The following EIF2B3 variants were observed in gnomAD, a reference collection of about 807,000 sequenced individuals.
EIF2B3 encodes the protein eukaryotic translation initiation factor 2B subunit gamma, also known as translation initiation factor eIF2B subunit gamma.
A neutral mutation model predicts 54.1 loss-of-function variants in EIF2B3; 20 were observed. The observed-to-expected ratio is 0.37, with a 90% CI of 0.26 to 0.54. The LOEUF is 0.54. Among genes scored for constraint, EIF2B3 ranks in the 20% least tolerant of loss-of-function variants. EIF2B3 has a pLI of 0.86. For synonymous variants in EIF2B3, 153 were observed against 188.1 expected, an observed-to-expected ratio of 0.81 and a Z score of 1.52; for missense variants, 448 against 547.8, an observed-to-expected ratio of 0.82 and a Z score of 1.82.
chr1:44,972,744 T>C (rs1365355577), intron 3 of EIF2B3, among the ~76,000 whole-genome samples: 1 of 152,132 alleles, frequency 6.6e-6, no homozygotes, highest in Non-Finnish European at 1.5e-5. Flanking sequence ...CTCAGCTCAC[T>C]GCAACCTTCA....
chr1:44,942,776 CTAA>C (rs2148943249), intron 3 of EIF2B3, among the ~76,000 whole-genome samples: 1 of 151,986 alleles, frequency 6.6e-6, no homozygotes, highest in South Asian at 2.1e-4. Context: ...ACAATGATAA[CTAA>C]TGTTTACTGA....
At chr1:44,955,564 C>G (rs979410631) in intron 3 of EIF2B3, among the ~76,000 whole-genome samples, 1 of 152,076 alleles carries the variant, frequency 6.6e-6, no homozygotes, top group Non-Finnish European at 1.5e-5. Context: ...AAACTATCAT[C>G]AGAGTGAACA....
chr1:44,973,074 G>T (rs1443002276), intron 3 of EIF2B3, among the ~76,000 whole-genome samples: 1 of 152,110 alleles, frequency 6.6e-6, no homozygotes, highest in Non-Finnish European at 1.5e-5. Flanking sequence ...AGAGAAAGAG[G>T]TTGGAGCCCT....
At chr1:44,884,563 A>G (rs914339305) in intron 6 of EIF2B3, among the ~76,000 whole-genome samples, 1 of 152,220 alleles carries the variant, frequency 6.6e-6, no homozygotes, top group Admixed American at 6.5e-5. Context: ...TTGAATTTCA[A>G]TGTGATTTTT....
At chr1:44,873,078 C>G (rs572250801) in intron 10 of EIF2B3, among the ~76,000 whole-genome samples, 1 of 152,258 alleles carries the variant, frequency 6.6e-6, no homozygotes, top group South Asian at 2.1e-4. Flanking sequence ...CAGAAATTAG[C>G]AAATGTTTCG....
At chr1:44,937,147 G>A (rs1270151758) in intron 4 of EIF2B3, 1 of 152,164 alleles carries the variant, frequency 6.6e-6, no homozygotes, top group Non-Finnish European at 1.5e-5. Flanking sequence ...ATTGCTAAAA[G>A]CATTACAAGC....
intron 2 of EIF2B3, among the ~76,000 whole-genome samples, chr1:44,980,772 G>A (rs1244413705): frequency 6.6e-6 from 1 of 152,034 alleles, no homozygotes; most frequent in Non-Finnish European, 1.5e-5. Context: ...GTCTCAATCT[G>A]CTCTTTCTGA....
chr1:44,863,599 C>T (rs184534733), intron 10 of EIF2B3, among the ~76,000 whole-genome samples: 21 of 152,230 alleles, frequency 1.4e-4, no homozygotes, highest in Non-Finnish European at 1.2e-4. Flanking sequence ...ATATAAAGAA[C>T]GCCTGTGTAT....
chr1:44,882,438 C>CTT (rs200259851), intron 6 of EIF2B3, among the ~76,000 whole-genome samples: 34 of 142,600 alleles, frequency 2.4e-4, no homozygotes, highest in Non-Finnish European at 3.2e-4. Flanking sequence ...TGGGAGAAAA[C>CTT]TTTTTTTTTT....
At chr1:44,976,208 AAAC>A (rs758966863) in intron 3 of EIF2B3, among the ~76,000 whole-genome samples, 10 of 152,240 alleles carry the variant, frequency 6.6e-5, no homozygotes, top group East Asian at 5.8e-4. Flanking sequence ...CATATCTCAC[AAAC>A]GACTTGCATC....
intron 3 of EIF2B3, among the ~76,000 whole-genome samples, chr1:44,946,630 T>TC: frequency 6.7e-6 from 1 of 148,276 alleles, no homozygotes; most frequent in East Asian, 2.0e-4. Flanking sequence ...TCTTCTTCTT[T>TC]TTTTTTTTTT....
At chr1:44,876,439 G>A (rs1655151643) in intron 8 of EIF2B3, among the ~76,000 whole-genome samples, 1 of 135,564 alleles carries the variant, frequency 7.4e-6, no homozygotes, top group African/African-American at 2.8e-5. Flanking sequence ...CGGCCGCCCC[G>A]TCTGAGAAGT....
At chr1:44,971,141 T>C (rs1029601402) in intron 3 of EIF2B3, among the ~76,000 whole-genome samples, 7 of 152,138 alleles carry the variant, frequency 4.6e-5, no homozygotes, top group Non-Finnish European at 1.0e-4. Flanking sequence ...CCCAGCACTT[T>C]GGGAGGCCGA....
At chr1:44,953,167 A>C (rs1353215924) in intron 3 of EIF2B3, among the ~76,000 whole-genome samples, 1 of 151,050 alleles carries the variant, frequency 6.6e-6, no homozygotes, top group Admixed American at 6.6e-5. Flanking sequence ...AAAAAAAAAA[A>C]CCAGAAAACA....
chr1:44,933,181 AC>A, intron 4 of EIF2B3, among the ~76,000 whole-genome samples: 1 of 152,334 alleles, frequency 6.6e-6, no homozygotes, highest in East Asian at 1.9e-4. Flanking sequence ...AAATGAAAAA[AC>A]AAGACAATCT....
At chr1:44,922,873 T>A in intron 5 of EIF2B3, among the ~76,000 whole-genome samples, 1 of 125,646 alleles carries the variant, frequency 8.0e-6, no homozygotes, top group South Asian at 2.8e-4. Context: ...TGAGACTGAG[T>A]CTTGCTCTGT....
intron 6 of EIF2B3, among the ~76,000 whole-genome samples, chr1:44,896,274 G>A (rs1655967403): frequency 6.6e-6 from 1 of 152,192 alleles, no homozygotes; most frequent in Non-Finnish European, 1.5e-5. Context: ...AGGGGAAACA[G>A]AGCTATAACA....
At position 44,881,971 on chromosome 1, in the gene EIF2B3, A is replaced by C. The variant is rs1478441966; in HGVS notation, c.657-232T>G. The stretch of plus-strand genomic sequence containing the variant: ...ATCAGGAATCTGTACTAGGGGAAGA[A>C]GGGACCTGATCTTTAGTTCAGTGTG... On this transcript the variant is annotated intron_variant, in intron 6 of 11. Coordinates refer to ENST00000360403, the MANE Select transcript of EIF2B3 (RefSeq NM_020365.5). The surrounding 1 kb of genome is among the most constrained non-coding windows in gnomAD (Gnocchi z 4.0). 6.6e-6 allele frequency among the ~76,000 whole-genome samples: 1 copy of C among 152,188 alleles called. No homozygotes were observed. The highest frequency in any genetic ancestry group is 1.5e-5 in the Non-Finnish European group (1 of 68,044).
At chr1:44,884,921 G>C (rs2148907684) in intron 6 of EIF2B3, among the ~76,000 whole-genome samples, 1 of 152,320 alleles carries the variant, frequency 6.6e-6, no homozygotes, top group African/African-American at 2.4e-5. Flanking sequence ...ACCCACCTCT[G>C]CTGGAGCTCA....
Sources: allele counts gnomAD v4.1 joint callset (sites outside exome capture counted in the v4.1 genomes callset), GRCh38; gene constraint gnomAD v4.1.1; non-coding constraint Gnocchi (gnomAD v3.1); transcripts MANE v1.5; gene names NCBI Gene and HGNC (gene_info 2026-07-23, HGNC 2026-07-21).